Variants in KIF1B observed in about 807,000 individuals in gnomAD.
KIF1B encodes the protein kinesin-like protein KIF1B.
KIF1B carries 76 observed loss-of-function variants against 241.9 expected under a neutral mutation model. The observed-to-expected ratio is 0.31, with a 90% CI of 0.26 to 0.38. The LOEUF is 0.38. Ranked by LOEUF, KIF1B falls within the 10% of genes least tolerant of loss-of-function variation. The pLI is 1.00. For missense variants in KIF1B, 1,622 were observed against 2,271.4 expected, an observed-to-expected ratio of 0.71 and a Z score of 5.81; for synonymous variants, 750 against 796.7, an observed-to-expected ratio of 0.94 and a Z score of 0.99.
At chr1:10,305,578 A>T in intron 22 of KIF1B, 1 of 1,058,592 alleles carries the variant, frequency 9.4e-7, no homozygotes, top group South Asian at 4.6e-5. Context: ...TTTTTCCAAT[A>T]GTTGATGAAA....
chr1:10,267,525 T>A lies in KIF1B; in HGVS notation c.575T>A (p.Ile192Asn). Residue 192 changes from isoleucine (I) to asparagine (N), a missense_variant, in exon 6 of 49, where the codon ATT becomes AAT. By Grantham distance (149) the Ile-to-Asn change is moderately radical. This residue lies in a region of KIF1B where 156 missense variants were observed against 244.8 expected (regional missense o/e 0.64). Coordinates refer to ENST00000676179, the MANE Select transcript of KIF1B (RefSeq NM_001365951.3). ...SKLAVTSYTD[I>N]ADLMDAGNKA... The stretch of plus-strand genomic sequence containing the variant: ...TTGGCAGTTACTTCCTACACAGACA[T>A]TGCTGACCTCATGGATGCTGGGAAC... 6.2e-7 allele frequency: 1 copy of A among 1,614,156 alleles called. No homozygotes were observed. The highest frequency in any genetic ancestry group is 8.5e-7 in the Non-Finnish European group (1 of 1,179,996).
intron 2 of KIF1B, among the ~76,000 whole-genome samples, chr1:10,233,519 A>T (rs1193027038): frequency 2.0e-5 from 3 of 152,024 alleles, no homozygotes; most frequent in African/African-American, 7.3e-5. Flanking sequence ...ATATATATTT[A>T]AAAAAATTTA....
At position 10,213,668 on chromosome 1, in the gene KIF1B, G is replaced by A. The variant is rs527992662; in HGVS notation, c.-80+2790G>A. ...TCATAATGCTCTGAAGTTATTTTATGTCTATTTCATGTATTTCTCTTTGAA... is the reference window on the plus strand; with the variant it reads ...TCATAATGCTCTGAAGTTATTTTATATCTATTTCATGTATTTCTCTTTGAA... On this transcript the variant is annotated intron_variant, in intron 1 of 48. Coordinates refer to ENST00000676179, the MANE Select transcript of KIF1B (RefSeq NM_001365951.3). Among the ~76,000 whole-genome samples, 12 of 152,228 alleles carry A rather than the reference G, an allele frequency of 7.9e-5. No individual in the cohort carries two copies. The South Asian group carries it at 2.5e-3, about 32-fold the overall frequency.
chr1:10,295,056 T>C, intron 17 of KIF1B, 30 bp from the exon 18 acceptor site: 12 of 1,479,124 alleles, frequency 8.1e-6, no homozygotes, highest in Non-Finnish European at 1.1e-5. Flanking sequence ...GGTGCCCTGC[T>C]CCAAATTGAT....
At chr1:10,330,809 T>C (rs567217925) in intron 27 of KIF1B, among the ~76,000 whole-genome samples, 1 of 152,248 alleles carries the variant, frequency 6.6e-6, no homozygotes, top group Non-Finnish European at 1.5e-5. Flanking sequence ...CATAGACTTA[T>C]AGTCTGATGG....
chr1:10,304,519 A>C (rs780984987), intron 22 of KIF1B: 2 of 1,613,740 alleles, frequency 1.2e-6, no homozygotes, highest in South Asian at 2.2e-5. Context: ...GTTAGAGGGC[A>C]ATGCAGCCAC....
At chr1:10,222,280 T>G (rs561386995) in intron 1 of KIF1B, among the ~76,000 whole-genome samples, 15 of 152,180 alleles carry the variant, frequency 9.9e-5, no homozygotes, top group Non-Finnish European at 1.8e-4. Flanking sequence ...GAAGGGAGAT[T>G]GGGCTCCTAG....
intron 3 of KIF1B, among the ~76,000 whole-genome samples, chr1:10,256,858 C>T (rs924574741): frequency 2.0e-5 from 3 of 151,958 alleles, no homozygotes; most frequent in Admixed American, 6.6e-5. Flanking sequence ...ATTACAGGCG[C>T]GTGGCACTAT....
At chr1:10,275,624 G>A in intron 11 of KIF1B, 121 bp downstream of exon 11, 1 of 750,666 alleles carries the variant, frequency 1.3e-6, no homozygotes. Flanking sequence ...CTACTTGAGT[G>A]TTCCTTGCCT....
At chr1:10,249,036 C>T (rs1647301332) in intron 2 of KIF1B, among the ~76,000 whole-genome samples, 1 of 152,122 alleles carries the variant, frequency 6.6e-6, no homozygotes, top group Non-Finnish European at 1.5e-5. Flanking sequence ...GACACTAGTC[C>T]TCAAAAATAT....
At chr1:10,266,042 T>C (rs889625691) in intron 5 of KIF1B, among the ~76,000 whole-genome samples, 2 of 152,188 alleles carry the variant, frequency 1.3e-5, no homozygotes, top group African/African-American at 4.8e-5. Context: ...ATCTGTTTCC[T>C]GGGTAGCATC....
chr1:10,216,957 C>CTTTTTTTTTTTTTTTT (rs70998362), intron 1 of KIF1B, among the ~76,000 whole-genome samples: 3 of 54,522 alleles, frequency 5.5e-5, no homozygotes, highest in Non-Finnish European at 6.6e-5. Flanking sequence ...TGCCCATTTT[C>CTTTTTTTTTTTTTTTT]TTTTTTTTTT....
chr1:10,261,817 A>G, intron 4 of KIF1B, 88 bp from the exon 5 acceptor site: 2 of 812,842 alleles, frequency 2.5e-6, no homozygotes, highest in Admixed American at 3.4e-5. Context: ...GCAAGAAAGG[A>G]CGTCTGGCTA....
intron 22 of KIF1B, among the ~76,000 whole-genome samples, chr1:10,314,951 C>G (rs535621959): frequency 6.6e-6 from 1 of 150,880 alleles, no homozygotes; most frequent in Non-Finnish European, 1.5e-5. Flanking sequence ...GGTAAAGCAG[C>G]AGCTTTCTCT....
At chr1:10,224,951 T>C (rs112793972) in intron 1 of KIF1B, among the ~76,000 whole-genome samples, 8,252 of 152,188 alleles carry the variant, frequency 0.054, 231 homozygotes, top group Middle Eastern at 0.13. Flanking sequence ...CCTCAGATCA[T>C]CAGGCATTAG....
intron 15 of KIF1B, among the ~76,000 whole-genome samples, chr1:10,290,140 AAATTT>A (rs1470419999): frequency 2.6e-5 from 4 of 152,050 alleles, no homozygotes; most frequent in Non-Finnish European, 4.4e-5. Flanking sequence ...AAATTAAATT[AAATTT>A]AATTTAATTA....
chr1:10,245,539 G>A (rs1386854056), intron 2 of KIF1B, among the ~76,000 whole-genome samples: 3 of 152,182 alleles, frequency 2.0e-5, no homozygotes, highest in Non-Finnish European at 4.4e-5. Context: ...AAAGGGAAAA[G>A]ATACAAAAGT....
chr1:10,215,303 A>G (rs1335567042), intron 1 of KIF1B, among the ~76,000 whole-genome samples: 1 of 148,018 alleles, frequency 6.8e-6, no homozygotes, highest in African/African-American at 2.5e-5. Context: ...CAGCCTCCCT[A>G]GTAGCTGGGA....
chr1:10,307,800 A>G, intron 22 of KIF1B: 1 of 1,038,906 alleles, frequency 9.6e-7, no homozygotes, highest in Non-Finnish European at 1.2e-6. Flanking sequence ...GAGGAGTCCT[A>G]ATTAATTGGT....
Sources: allele counts gnomAD v4.1 joint callset (sites outside exome capture counted in the v4.1 genomes callset), GRCh38; gene constraint gnomAD v4.1.1; regional missense constraint gnomAD v4.1.1; transcripts MANE v1.5; gene names NCBI Gene and HGNC (gene_info 2026-07-23, HGNC 2026-07-21).